CCNY: variants seen among roughly 807,000 people sequenced by gnomAD.
CCNY encodes the protein cyclin Y.
A neutral mutation model predicts 42.8 loss-of-function variants in CCNY; 19 were observed. That is an observed-to-expected ratio of 0.44 (90% CI 0.31 to 0.65). The LOEUF is 0.65. Among genes scored for constraint, CCNY ranks in the 30% least tolerant of loss-of-function variants. CCNY has a pLI of 0.07. For synonymous variants in CCNY, 165 were observed against 162.7 expected, an observed-to-expected ratio of 1.01 and a Z score of -0.11; for missense variants, 370 against 437.3, an observed-to-expected ratio of 0.85 and a Z score of 1.37.
chr10:35,425,409 A>G (rs1050008844), intron 1 of CCNY, among the ~76,000 whole-genome samples: 1 of 152,182 alleles, frequency 6.6e-6, no homozygotes, highest in Admixed American at 6.5e-5. Context: ...TTTCCACTTT[A>G]CAGAGTTTAT....
At chr10:35,536,999 A>G (rs1840899696) in intron 7 of CCNY, among the ~76,000 whole-genome samples, 1 of 152,186 alleles carries the variant, frequency 6.6e-6, no homozygotes, top group African/African-American at 2.4e-5. Flanking sequence ...AACCCCTCCC[A>G]TCACAGGCCT....
chr10:35,356,557 A>G (rs935155849), intron 1 of CCNY, among the ~76,000 whole-genome samples: 2 of 152,160 alleles, frequency 1.3e-5, no homozygotes, highest in Admixed American at 6.5e-5. Flanking sequence ...AGAGCCTAGC[A>G]TGGTTGGCTG....
chr10:35,298,519 C>A (rs1393995335), intron 3 of CCNY, among the ~76,000 whole-genome samples: 2 of 151,826 alleles, frequency 1.3e-5, no homozygotes, highest in Non-Finnish European at 2.9e-5. Flanking sequence ...CCATTCTTTT[C>A]TTTTTTAAAA....
chr10:35,526,837 A>G (rs1316793443), intron 5 of CCNY, among the ~76,000 whole-genome samples: 2 of 152,234 alleles, frequency 1.3e-5, no homozygotes, highest in East Asian at 3.8e-4. Context: ...TCATGAGGAC[A>G]TAGCCACTCT....
intron 1 of CCNY, among the ~76,000 whole-genome samples, chr10:35,414,240 T>C (rs1837976525): frequency 6.6e-6 from 1 of 152,184 alleles, no homozygotes; most frequent in South Asian, 2.1e-4. Context: ...GATACTTCCA[T>C]GGCTAGGGTC....
In CCNY at chr10:35,257,248, TTCTC is replaced by T. The variant is rs528812488; in HGVS notation, c.-9+6630_-9+6633del. 3.3e-4 allele frequency among the ~76,000 whole-genome samples: 40 copies of T among 119,800 alleles called. No individual in the cohort carries two copies. The South Asian group carries it at 5.4e-3, about 16-fold the overall frequency. The allele number at this position is 119,800 out of a possible 152,430, so 78.6% of individuals were successfully genotyped here. A position where few individuals can be genotyped will look rare whatever the true frequency, so the allele number is the denominator to read the frequency against. ...CCTCCCTCCCTTCCTTCCTCTTTCT[TTCTC>T]TCTCTCTTTCTCCCTTTCTTTTTTT... On this transcript the variant is annotated intron_variant, in intron 3 of 11. Transcript: ENST00000374706.
chr10:35,449,698 T>C, intron 1 of CCNY: 1 of 965,064 alleles, frequency 1.0e-6, no homozygotes, highest in Non-Finnish European at 1.2e-6. Context: ...GAGGTACCTT[T>C]TTAGGGACCA....
chr10:35,344,641 T>G (rs1836259715), intron 1 of CCNY, among the ~76,000 whole-genome samples: 1 of 152,170 alleles, frequency 6.6e-6, no homozygotes, highest in Non-Finnish European at 1.5e-5. Context: ...TTATTACATA[T>G]GTATACATGT....
intron 3 of CCNY, among the ~76,000 whole-genome samples, chr10:35,297,228 G>A (rs936972071): frequency 3.3e-5 from 5 of 151,700 alleles, no homozygotes; most frequent in Admixed American, 1.3e-4. Flanking sequence ...AATGTGATTC[G>A]TCACATAAAC....
At chr10:35,524,306 T>A (rs1840605959) in intron 4 of CCNY, among the ~76,000 whole-genome samples, 1 of 152,248 alleles carries the variant, frequency 6.6e-6, no homozygotes. Flanking sequence ...TCAGCTTCAA[T>A]GCTTTTCAAG....
intron 3 of CCNY, among the ~76,000 whole-genome samples, chr10:35,502,592 A>G (rs965478406): frequency 2.0e-5 from 3 of 152,208 alleles, no homozygotes; most frequent in Non-Finnish European, 4.4e-5. Flanking sequence ...ATATGCACAT[A>G]TACAGTTTTC....
intron 8 of CCNY, among the ~76,000 whole-genome samples, chr10:35,555,340 C>T (rs900133101): frequency 1.3e-5 from 2 of 152,076 alleles, no homozygotes; most frequent in African/African-American, 4.8e-5. Flanking sequence ...ATTTTTCCTT[C>T]TCTCTTTAAA....
chr10:35,357,016 T>C (rs946581568), intron 1 of CCNY, among the ~76,000 whole-genome samples: 1 of 152,312 alleles, frequency 6.6e-6, no homozygotes, highest in East Asian at 1.9e-4. Context: ...GCTTCCAACT[T>C]TGTCTGTCTC....
chr10:35,336,959 A>G lies in CCNY; in HGVS notation c.-95A>G, dbSNP rs1005522343. 2 of 1,030,316 alleles carry G rather than the reference A, an allele frequency of 1.9e-6. No homozygotes were observed. The highest frequency in any genetic ancestry group is 1.7e-5 in the African/African-American group (1 of 57,844). 63.8% of individuals were successfully genotyped at this position (1,030,316 alleles called of 1,614,324 possible). Reference sequence around the variant, plus strand: ...TGGCGGCGAGCGGGCGGGCCTCCCCACACGCCCCCGCCGCCCGCGCCCCGC... The same window carrying G: ...TGGCGGCGAGCGGGCGGGCCTCCCCGCACGCCCCCGCCGCCCGCGCCCCGC... On this transcript the variant is annotated 5_prime_UTR_variant, in exon 1 of 10. Transcript: ENST00000374704.
At chr10:35,265,950 T>A (rs1376078005) in intron 3 of CCNY, among the ~76,000 whole-genome samples, 3 of 152,184 alleles carry the variant, frequency 2.0e-5, no homozygotes, top group Non-Finnish European at 4.4e-5. Context: ...ACTCTTTACA[T>A]TCTACAAGCA....
intron 3 of CCNY, among the ~76,000 whole-genome samples, chr10:35,308,061 C>G (rs1349230779): frequency 6.6e-6 from 1 of 151,866 alleles, no homozygotes; most frequent in Non-Finnish European, 1.5e-5. Flanking sequence ...AAGTGATCCA[C>G]CCGCCTCGGC....
intron 1 of CCNY, among the ~76,000 whole-genome samples, chr10:35,400,931 CTT>C (rs985553441): frequency 1.3e-5 from 2 of 151,560 alleles, no homozygotes; most frequent in Non-Finnish European, 2.9e-5. Context: ...TTAATGCGCA[CTT>C]TTTTTTTGAG....
At chr10:35,342,972 G>A (rs1836215972) in intron 1 of CCNY, among the ~76,000 whole-genome samples, 1 of 140,812 alleles carries the variant, frequency 7.1e-6, no homozygotes, top group Admixed American at 7.0e-5. Flanking sequence ...GCAATATTTT[G>A]TGTAAGGACT....
At chr10:35,253,424 T>A (rs936158280) in intron 3 of CCNY, among the ~76,000 whole-genome samples, 13,159 of 135,070 alleles carry the variant, frequency 0.097, 851 homozygotes, top group Non-Finnish European at 0.14. Flanking sequence ...ATTTTTTTTT[T>A]TTTTTTTTTT....
Sources: gnomAD v4.1 joint callset for allele counts (sites outside exome capture counted in the v4.1 genomes callset) on GRCh38, gnomAD v4.1.1 for gene constraint, MANE v1.5 for transcripts, NCBI Gene and HGNC (gene_info 2026-07-23, HGNC 2026-07-21) for gene names.